CTNNA3: variants seen among roughly 807,000 people sequenced by gnomAD.
CTNNA3 encodes catenin alpha 3, also known as catenin alpha-3.
CTNNA3 carries 76 observed loss-of-function variants against 95.7 expected under a neutral mutation model. The observed-to-expected ratio is 0.79, with a 90% CI of 0.66 to 0.96. The LOEUF (loss-of-function observed/expected upper bound fraction) is 0.96, where lower values mean the gene tolerates loss of function less well. Ranked by LOEUF, CTNNA3 falls within the 40% of genes least tolerant of loss-of-function variation. CTNNA3 has a pLI of 0.00. For synonymous variants in CTNNA3, 431 were observed against 374.4 expected, an observed-to-expected ratio of 1.15 and a Z score of -1.74; for missense variants, 1,191 against 1,089.8, an observed-to-expected ratio of 1.09 and a Z score of -1.31.
At chr10:67,632,859 G>T (rs1839190493) in intron 2 of CTNNA3, among the ~76,000 whole-genome samples, 1 of 152,064 alleles carries the variant, frequency 6.6e-6, no homozygotes, top group South Asian at 2.1e-4. Context: ...CCTAGGAAGG[G>T]GGCTAAAACC....
At chr10:67,206,012 G>A (rs915600282) in intron 6 of CTNNA3, among the ~76,000 whole-genome samples, 2 of 152,178 alleles carry the variant, frequency 1.3e-5, no homozygotes, top group African/African-American at 2.4e-5. Flanking sequence ...AGAACGTAGT[G>A]TCCCTATCTC....
chr10:66,477,959 T>A (rs1390396909), intron 11 of CTNNA3, among the ~76,000 whole-genome samples: 3 of 152,064 alleles, frequency 2.0e-5, no homozygotes, highest in African/African-American at 7.2e-5. Flanking sequence ...TCAAGACTTG[T>A]GTGAGTCAGA....
At chr10:66,469,944 G>C (rs573997222) in intron 11 of CTNNA3, among the ~76,000 whole-genome samples, 1 of 151,940 alleles carries the variant, frequency 6.6e-6, no homozygotes, top group South Asian at 2.1e-4. Flanking sequence ...AAAATAAAAG[G>C]AGAAAGACAA....
chr10:67,433,840 T>C (rs1846209304), intron 5 of CTNNA3, among the ~76,000 whole-genome samples: 1 of 151,976 alleles, frequency 6.6e-6, no homozygotes, highest in African/African-American at 2.4e-5. Flanking sequence ...GAATCAACCC[T>C]AGCCATACCA....
rs571170055 is a variant in CTNNA3, at chr10:65,926,605, T to C, written c.2401-5988A>G. Reference sequence around the variant, plus strand: ...GATTCTCCTGCCTCAGCCTACCAAGTAGCTGGGATTACAGGCATGTGCCAC... The same window carrying C: ...GATTCTCCTGCCTCAGCCTACCAAGCAGCTGGGATTACAGGCATGTGCCAC... On this transcript the variant is annotated intron_variant, in intron 17 of 17. Coordinates refer to ENST00000433211, the MANE Select transcript of CTNNA3 (RefSeq NM_013266.4). 1.1e-4 allele frequency among the ~76,000 whole-genome samples: 17 copies of C among 152,074 alleles called. No homozygotes were observed. In the South Asian group the frequency reaches 3.3e-3, roughly 30 times the overall value.
At chr10:67,210,123 T>C (rs1864078977) in intron 6 of CTNNA3, among the ~76,000 whole-genome samples, 1 of 151,982 alleles carries the variant, frequency 6.6e-6, no homozygotes, top group African/African-American at 2.4e-5. Context: ...CTGGCTAACA[T>C]GGTAAAACCC....
intron 7 of CTNNA3, among the ~76,000 whole-genome samples, chr10:66,934,367 T>C (rs1412343376): frequency 2.0e-5 from 3 of 152,130 alleles, no homozygotes; most frequent in African/African-American, 7.2e-5. Flanking sequence ...GAGTCTGTAA[T>C]TCCTATATCA....
At chr10:67,029,461 C>G (rs1261407053) in intron 7 of CTNNA3, among the ~76,000 whole-genome samples, 3 of 152,066 alleles carry the variant, frequency 2.0e-5, no homozygotes, top group Non-Finnish European at 2.9e-5. Context: ...TAGTTACTGT[C>G]TTAGGAAAAG....
At chr10:66,781,252 T>C (rs1041661702) in intron 7 of CTNNA3, among the ~76,000 whole-genome samples, 5 of 152,206 alleles carry the variant, frequency 3.3e-5, no homozygotes, top group Admixed American at 6.6e-5. Flanking sequence ...TTTTGTTTTG[T>C]AAGTGTGTGC....
intron 10 of CTNNA3, among the ~76,000 whole-genome samples, chr10:66,551,896 C>CCT (rs1389009453): frequency 4.4e-5 from 5 of 113,966 alleles, no homozygotes; most frequent in African/African-American, 1.6e-4. Flanking sequence ...TTTTCTTTTC[C>CCT]TTTTTTTTTT....
At chr10:66,332,958 G>A (rs564676874) in intron 12 of CTNNA3, among the ~76,000 whole-genome samples, 1 of 152,026 alleles carries the variant, frequency 6.6e-6, no homozygotes, top group Non-Finnish European at 1.5e-5. Context: ...AGTCTTGGGA[G>A]GGTGTATGTG....
At chr10:66,197,336 C>CTCTATCTATCTATCTA (rs200815679) in intron 13 of CTNNA3, among the ~76,000 whole-genome samples, 84 of 148,166 alleles carry the variant, frequency 5.7e-4, no homozygotes, top group Admixed American at 2.2e-3. Context: ...CAATCCAAAT[C>CTCTATCTATCTATCTA]TCTATCTATC....
chr10:65,964,705 C>T (rs1003203592), intron 17 of CTNNA3, among the ~76,000 whole-genome samples: 2 of 151,926 alleles, frequency 1.3e-5, no homozygotes, highest in African/African-American at 2.4e-5. Flanking sequence ...TTACAAAGCA[C>T]GATTAGTGTG....
chr10:67,232,312 C>G (rs1224683775), intron 5 of CTNNA3, among the ~76,000 whole-genome samples: 1 of 152,172 alleles, frequency 6.6e-6, no homozygotes, highest in African/African-American at 2.4e-5. Context: ...CAGCGGATCT[C>G]TCAGCAGAAA....
chr10:67,114,427 CAT>C (rs1304060142), intron 7 of CTNNA3, among the ~76,000 whole-genome samples: 1 of 152,018 alleles, frequency 6.6e-6, no homozygotes, highest in East Asian at 1.9e-4. Context: ...AATATAAAAA[CAT>C]GAGTAAAAAT....
chr10:67,094,898 T>C (rs983430241), intron 7 of CTNNA3, among the ~76,000 whole-genome samples: 2 of 151,666 alleles, frequency 1.3e-5, no homozygotes, highest in African/African-American at 4.8e-5. Flanking sequence ...ATGAATCTTA[T>C]ATAGATGTCA....
At chr10:67,195,879 G>T (rs954367862) in intron 6 of CTNNA3, among the ~76,000 whole-genome samples, 1 of 152,048 alleles carries the variant, frequency 6.6e-6, no homozygotes, top group Non-Finnish European at 1.5e-5. Flanking sequence ...ATTCTCTGAT[G>T]GGATTGACCT....
At chr10:67,605,501 A>G (rs1357262930) in intron 3 of CTNNA3, among the ~76,000 whole-genome samples, 1 of 152,202 alleles carries the variant, frequency 6.6e-6, no homozygotes, top group Non-Finnish European at 1.5e-5. Flanking sequence ...TTACTAAAGG[A>G]GTAGATTTAG....
At position 66,065,316 on chromosome 10, in the gene CTNNA3, C is replaced by A. The variant is rs116313264; in HGVS notation, c.2159+3992G>T. Among the ~76,000 whole-genome samples the A allele has an allele frequency of 3.6e-3, 540 of 151,808 alleles. 2 individuals carry two copies. Among genetic ancestry groups the A allele is most frequent in the African/African-American group, 0.012 (495 of 41,418 alleles). On this transcript the variant is annotated intron_variant, in intron 15 of 17. Transcript: ENST00000433211. ...GCTATAGCTTTTTATTCCCCTTTTA[C>A]AATTTCATTCTGTCCCTCCCCATTT...
Sources: gnomAD v4.1 joint callset for allele counts (sites outside exome capture counted in the v4.1 genomes callset) on GRCh38, gnomAD v4.1.1 for gene constraint, MANE v1.5 for transcripts, NCBI Gene and HGNC (gene_info 2026-07-23, HGNC 2026-07-21) for gene names.